KLRC1: variants seen among roughly 807,000 people sequenced by gnomAD.
KLRC1 encodes killer cell lectin like receptor C1.
Under a neutral mutation model 25.9 loss-of-function variants are expected in KLRC1, and 22 were observed. The observed-to-expected ratio is 0.85, with a 90% confidence interval of 0.61 to 1.21. The LOEUF is 1.21. Ranked by LOEUF, KLRC1 falls within the 50% of genes most tolerant of loss-of-function variation. The probability of loss-of-function intolerance (pLI) is 0.00; values close to 1 mark genes in which losing one functional copy is unlikely to be tolerated. For missense variants in KLRC1, 240 were observed against 272.2 expected (o/e 0.88, Z 0.83); for synonymous variants, 77 against 93.1 (o/e 0.83, Z 0.99).
intron 1 of KLRC1, 159 bp from the exon 2 acceptor site, chr12:10,451,346 A>G (rs550140707): frequency 8.8e-6 from 4 of 452,006 alleles, no homozygotes. Flanking sequence ...CACGTTTCTT[A>G]TGAATATTTG....
At chr12:10,450,376 T>C (rs1864096838) in intron 3 of KLRC1, 108 bp downstream of exon 3, 4 of 660,652 alleles carry the variant, frequency 6.1e-6, no homozygotes, top group Non-Finnish European at 1.1e-5. Flanking sequence ...TTAGTCCAAA[T>C]ATATACATTA....
Position 10,450,560 on chromosome 12 carries a change from C to T in KLRC1, c.207G>A (p.Glu69=). The stretch of plus-strand genomic sequence containing the variant: ...TTCCCAGGATCCCAACAATGAGCTT[C>T]TCTGGAGCTGATGGTAAATCTGCAG... The part of the protein sequence containing the change: ...YHCKDLPSAP[E]KLIVGILGII... Residue 69 remains glutamate (E), a synonymous_variant, in exon 3 of 7, where the codon GAG becomes GAA. Coordinates refer to ENST00000359151, the MANE Select transcript of KLRC1 (RefSeq NM_002259.5). 1 of 1,608,876 alleles carries T rather than the reference C, an allele frequency of 6.2e-7. No individual in the cohort carries two copies. Among genetic ancestry groups the T allele is most frequent in the Non-Finnish European group, 8.5e-7 (1 of 1,175,426 alleles).
At chr12:10,445,607 T>C (rs1036096085), downstream of KLRC1, among the ~76,000 whole-genome samples, 12 of 152,164 alleles carry the variant, frequency 7.9e-5, no homozygotes, top group Non-Finnish European at 1.3e-4. Flanking sequence ...AACTACGTTA[T>C]AGCATATAGA....
At chr12:10,451,387 G>A in intron 1 of KLRC1, 200 bp from the exon 2 acceptor site, 1 of 305,218 alleles carries the variant, frequency 3.3e-6, no homozygotes, top group Non-Finnish European at 5.9e-6. Flanking sequence ...GCCGGGCGCG[G>A]TGGCTCACGC....
chr12:10,447,572 G>T lies in KLRC1; in HGVS notation c.550C>A (p.His184Asn), dbSNP rs780114762. The change falls in exon 6 of 7, where the codon CAT (histidine) becomes AAT (asparagine). Residue 184 changes from histidine to asparagine, a missense_variant. Coordinates refer to ENST00000359151, the MANE Select transcript of KLRC1 (RefSeq NM_002259.5). ...WIGVFRNSSH[H>N]PWVTMNGLAF... ...AAACCATTCATTGTCACCCATGGAT[G>T]ATGACTGCTGTTACGAAACACACCA... 1 of 1,610,420 alleles carries T rather than the reference G, an allele frequency of 6.2e-7. No individual in the cohort carries two copies. The highest frequency in any genetic ancestry group is 1.1e-5 in the South Asian group (1 of 90,026).
chr12:10,450,382 C>T (rs2137895974), intron 3 of KLRC1, 102 bp downstream of exon 3: 1 of 677,670 alleles, frequency 1.5e-6, no homozygotes, highest in East Asian at 2.6e-5. Flanking sequence ...CAAATATATA[C>T]ATTACAATGA....
At chr12:10,446,693 C>T (rs758136731) in intron 6 of KLRC1, 31 bp from the exon 7 acceptor site, 2 of 1,612,168 alleles carry the variant, frequency 1.2e-6, no homozygotes, top group East Asian at 4.5e-5. Context: ...TATTCTGTTA[C>T]ATTTTAAGCA....
Position 10,446,425 on chromosome 12 carries a change from T to C in KLRC1, c.*126A>G. On this transcript the variant is annotated 3_prime_UTR_variant, in exon 7 of 7. Transcript: ENST00000359151. ...ATTGTGTGTATCCTGTTTCAATAAT[T>C]GATTTAGAATTTTCTTATTAGAGCA... 7.0e-7 allele frequency: 1 copy of C among 1,436,142 alleles called. No homozygotes were observed. The highest frequency in any genetic ancestry group is 1.6e-5 in the South Asian group (1 of 63,576). The allele number at this position is 1,436,142 out of a possible 1,614,324, so 89.0% of individuals were successfully genotyped here.
intron 3 of KLRC1, chr12:10,450,181 A>G (rs1864091927): frequency 2.3e-6 from 1 of 439,030 alleles, no homozygotes; most frequent in East Asian, 3.8e-5. Flanking sequence ...TATAGTTCTT[A>G]TAATTCTTGA....
chr12:10,452,017 A>C (rs1864136935), intron 1 of KLRC1, among the ~76,000 whole-genome samples: 1 of 151,786 alleles, frequency 6.6e-6, no homozygotes, highest in Non-Finnish European at 1.5e-5. Flanking sequence ...AAATGTTCTA[A>C]GAAATTATTA....
In KLRC1 at chr12:10,446,483, CATAAT is replaced by C; in HGVS notation, c.*63_*67del. The stretch of plus-strand genomic sequence containing the variant: ...TAATTCATTTTAAGATTTATGCAAT[CATAAT>C]ATATTTCTATTTTAAGAAATATACA... On this transcript the variant is annotated 3_prime_UTR_variant, in exon 7 of 7. Coordinates refer to ENST00000359151, the MANE Select transcript of KLRC1 (RefSeq NM_002259.5). 2 of 1,504,414 alleles carry C rather than the reference CATAAT, an allele frequency of 1.3e-6. No homozygotes were observed. The highest frequency in any genetic ancestry group is 1.8e-6 in the Non-Finnish European group (2 of 1,117,588). 93.2% of individuals were successfully genotyped at this position (1,504,414 alleles called of 1,614,324 possible). A position where few individuals can be genotyped will look rare whatever the true frequency, so the allele number is the denominator to read the frequency against.
Position 10,449,919 on chromosome 12 carries a change from T to C in KLRC1, c.332A>G (p.Gln111Arg), listed in dbSNP as rs113215493. Reference sequence around the variant, plus strand: ...CTTTAAAAATTATTATATACCTTTCTGAGTTCTTGTATTCAGGGAAGAATT... The same window carrying C: ...CTTTAAAAATTATTATATACCTTTCCGAGTTCTTGTATTCAGGGAAGAATT... ...HNNSSLNTRT[Q>R]KARHCGHCPE... The change falls in exon 4 of 7, where the codon CAG becomes CGG. Residue 111 changes from glutamine to arginine, a missense_variant. Physicochemically the swap from Gln to Arg is conservative, Grantham distance 43. Transcript: ENST00000359151. The C allele has an allele frequency of 1.3e-6, 2 of 1,483,546 alleles. No individual in the cohort carries two copies. Among genetic ancestry groups the C allele is most frequent in the Non-Finnish European group, 1.8e-6 (2 of 1,111,350 alleles). The allele number at this position is 1,483,546 out of a possible 1,614,324, so 91.9% of individuals were successfully genotyped here.
upstream of KLRC1, among the ~76,000 whole-genome samples, chr12:10,454,005 A>G (rs1160023256): frequency 2.0e-5 from 3 of 152,248 alleles, no homozygotes; most frequent in Non-Finnish European, 4.4e-5. Flanking sequence ...TATTCATTAC[A>G]TTCTTCATTT....
At chr12:10,447,663 T>C (rs374026022) in intron 5 of KLRC1, 31 bp from the exon 6 acceptor site, 3 of 1,514,720 alleles carry the variant, frequency 2.0e-6, no homozygotes, top group Non-Finnish European at 2.7e-6. Context: ...TTCACTTAAA[T>C]AATAATTATG....
intron 2 of KLRC1, 79 bp from the exon 3 acceptor site, chr12:10,450,658 G>A: frequency 3.5e-6 from 3 of 853,036 alleles, no homozygotes; most frequent in Non-Finnish European, 1.9e-6. Context: ...AAGAGAACCT[G>A]AATGCACAGG....
At chr12:10,452,157 A>G (rs1204606888) in intron 1 of KLRC1, among the ~76,000 whole-genome samples, 1 of 152,134 alleles carries the variant, frequency 6.6e-6, no homozygotes, top group African/African-American at 2.4e-5. Context: ...TACTTACAGA[A>G]GTATTGGTAA....
chr12:10,447,673 G>A (rs755092901), intron 5 of KLRC1, 41 bp from the exon 6 acceptor site: 2 of 1,473,336 alleles, frequency 1.4e-6, no homozygotes, highest in Non-Finnish European at 9.3e-7. Flanking sequence ...TAATAATTAT[G>A]AAAACATTAC....
At chr12:10,448,763 T>A (rs553074564) in intron 5 of KLRC1, among the ~76,000 whole-genome samples, 8 of 152,362 alleles carry the variant, frequency 5.3e-5, no homozygotes, top group African/African-American at 1.7e-4. Flanking sequence ...CAGTGTATGA[T>A]TCCCTTTATA....
chr12:10,450,839 C>G, intron 2 of KLRC1, 131 bp downstream of exon 2: 1 of 724,836 alleles, frequency 1.4e-6, no homozygotes, highest in Non-Finnish European at 2.4e-6. Context: ...ATTGAAATAG[C>G]ATATCTCAAC....
Sources: gnomAD v4.1 joint callset for allele counts (sites outside exome capture counted in the v4.1 genomes callset) on GRCh38, gnomAD v4.1.1 for gene constraint, MANE v1.5 for transcripts, NCBI Gene and HGNC (gene_info 2026-07-23, HGNC 2026-07-21) for gene names.